Variants in TRIO observed in about 807,000 individuals in gnomAD.
TRIO encodes trio Rho guanine nucleotide exchange factor, also known as triple functional domain protein.
A neutral mutation model predicts 351.9 loss-of-function variants in TRIO; 58 were observed. The ratio of observed to expected loss-of-function variants is 0.16; its 90% CI spans 0.13 to 0.21. TRIO has a LOEUF of 0.21. TRIO is among the 10% of genes least tolerant of loss of function. The probability of loss-of-function intolerance (pLI) is 1.00; values close to 1 mark genes in which losing one functional copy is unlikely to be tolerated. For missense variants in TRIO, 3,201 were observed against 4,027.8 expected (o/e 0.79, Z 5.56); for synonymous variants, 1,758 against 1,595.7 (o/e 1.10, Z -2.42).
chr5:14,364,055 C>T, intron 14 of TRIO, 128 bp downstream of exon 14: 1 of 872,630 alleles, frequency 1.1e-6, no homozygotes, highest in Non-Finnish European at 1.7e-6. Flanking sequence ...GATACCTGTT[C>T]TTTAAAAGAA....
chr5:14,496,979 A>G lies in TRIO; in HGVS notation c.7981A>G (p.Lys2661Glu). Residue 2661 changes from lysine to glutamate, a missense_variant, in exon 50 of 57, where the codon AAG becomes GAG. Around this residue, in one of 19 missense-constraint regions of TRIO, gnomAD observed 1,089 missense variants for 954.9 expected, o/e 1.14. Coordinates refer to ENST00000344204, the MANE Select transcript of TRIO (RefSeq NM_007118.4). The part of the protein sequence containing the change: ...REGKLENGYR[K>E]SREGLSNKVS... ...AGGCAAGTTAGAGAACGGTTATCGG[A>G]AGTCACGGGAAGGACTCAGCAACAA... is the stretch of plus-strand genomic sequence containing the variant. The G allele has an allele frequency of 6.2e-7, 1 of 1,614,216 alleles. No individual in the cohort carries two copies. Among genetic ancestry groups the G allele is most frequent in the Non-Finnish European group, 8.5e-7 (1 of 1,180,042 alleles).
At chr5:14,162,304 A>G (rs1192696251) in intron 1 of TRIO, among the ~76,000 whole-genome samples, 1 of 152,206 alleles carries the variant, frequency 6.6e-6, no homozygotes, top group African/African-American at 2.4e-5. Context: ...ATTTGAAGTC[A>G]CTGTGTTGCC....
intron 34 of TRIO, among the ~76,000 whole-genome samples, chr5:14,432,938 A>G (rs1306193385): frequency 6.6e-6 from 1 of 152,210 alleles, no homozygotes; most frequent in Non-Finnish European, 1.5e-5. Flanking sequence ...TCTGAAGTTT[A>G]AGAGAAATGG....
chr5:14,342,364 C>T (rs1185253095), intron 11 of TRIO, among the ~76,000 whole-genome samples: 1 of 152,214 alleles, frequency 6.6e-6, no homozygotes. Context: ...CATCGGGCAT[C>T]TGGTGTTTAA....
intron 34 of TRIO, among the ~76,000 whole-genome samples, chr5:14,439,296 G>A (rs1174389824): frequency 6.6e-6 from 1 of 152,234 alleles, no homozygotes; most frequent in Non-Finnish European, 1.5e-5. Flanking sequence ...TTACAGGCAT[G>A]AGCCACCGCG....
chr5:14,223,776 C>G (rs1429756649), intron 1 of TRIO, among the ~76,000 whole-genome samples: 1 of 152,236 alleles, frequency 6.6e-6, no homozygotes, highest in East Asian at 1.9e-4. Flanking sequence ...TGTGCTTCCT[C>G]TCTTTGTAAA....
intron 1 of TRIO, among the ~76,000 whole-genome samples, chr5:14,262,640 CAG>C (rs1264603595): frequency 3.9e-5 from 6 of 152,058 alleles, no homozygotes; most frequent in Admixed American, 1.3e-4. Context: ...CTGGCAGAGA[CAG>C]GGGTGCTTCA....
At chr5:14,376,237 GT>G (rs1745547444) in intron 19 of TRIO, among the ~76,000 whole-genome samples, 1 of 152,182 alleles carries the variant, frequency 6.6e-6, no homozygotes, top group Non-Finnish European at 1.5e-5. Flanking sequence ...GTGTAATAAA[GT>G]TACCGGGAAC....
chr5:14,299,345 C>T (rs372944258), intron 7 of TRIO, among the ~76,000 whole-genome samples: 215 of 152,218 alleles, frequency 1.4e-3, no homozygotes, highest in African/African-American at 4.9e-3. Context: ...AGTGCATGTA[C>T]GGTGGCCAGA....
intron 34 of TRIO, among the ~76,000 whole-genome samples, chr5:14,425,434 A>C (rs1357706316): frequency 6.6e-6 from 1 of 152,230 alleles, no homozygotes; most frequent in Non-Finnish European, 1.5e-5. Flanking sequence ...CAGATGCCAC[A>C]TTGAGTTCAA....
At chr5:14,290,371 C>A (rs1045986571) in intron 4 of TRIO, among the ~76,000 whole-genome samples, 1 of 152,202 alleles carries the variant, frequency 6.6e-6, no homozygotes, top group East Asian at 1.9e-4. Flanking sequence ...TCTGAACTTG[C>A]AATTTAACCT....
chr5:14,280,516 A>G lies in TRIO; in HGVS notation c.347+80A>G, dbSNP rs1230762654. 6.3e-6 allele frequency: 8 copies of G among 1,269,222 alleles called. No individual in the cohort carries two copies. In the South Asian group the frequency reaches 7.3e-5, roughly 12 times the overall value. 78.6% of individuals were successfully genotyped at this position (1,269,222 alleles called of 1,614,324 possible). On this transcript the variant is annotated intron_variant, in intron 3 of 56. Transcript: ENST00000344204. ...GCGCTATACTCGTTAGAAATCAGCT[A>G]AATTGTAGCCTGCATTCCAGGCAAA...
intron 21 of TRIO, among the ~76,000 whole-genome samples, chr5:14,386,465 A>AC (rs146097986): frequency 0.034 from 5,185 of 152,094 alleles, 312 homozygotes; most frequent in African/African-American, 0.12. Flanking sequence ...TGGGTTTTGA[A>AC]CTCCGACCTT....
At position 14,421,771 on chromosome 5, in the gene TRIO, A is replaced by G. The variant is rs1750183662; in HGVS notation, c.5203+1750A>G. Among the ~76,000 whole-genome samples the G allele has an allele frequency of 2.0e-5, 3 of 152,160 alleles. No individual in the cohort carries two copies. In the South Asian group the frequency reaches 6.2e-4, roughly 32 times the overall value. On this transcript the variant is annotated intron_variant, in intron 34 of 56. Transcript: ENST00000344204. Reference sequence around the variant, plus strand: ...GTCCTGACCATGTCCACGTCCAGGAAACCAGGCAGCTTGACCAGAATCTCT... The same window carrying G: ...GTCCTGACCATGTCCACGTCCAGGAGACCAGGCAGCTTGACCAGAATCTCT...
intron 34 of TRIO, among the ~76,000 whole-genome samples, chr5:14,430,683 C>T (rs200010842): frequency 1.3e-4 from 12 of 95,518 alleles, no homozygotes; most frequent in Admixed American, 8.4e-4. Flanking sequence ...CAGTGAATTT[C>T]GTTTTATTTT....
chr5:14,395,466 G>A (rs1747480209), intron 28 of TRIO, among the ~76,000 whole-genome samples: 1 of 152,180 alleles, frequency 6.6e-6, no homozygotes, highest in Non-Finnish European at 1.5e-5. Flanking sequence ...TACTCTGCCA[G>A]AGGTTCTTCA....
rs543514457 is a variant in TRIO, at chr5:14,190,304, G to A, written c.157+46422G>A. Among the ~76,000 whole-genome samples, 3 of 152,266 alleles carry A rather than the reference G, an allele frequency of 2.0e-5. No homozygotes were observed. The South Asian group carries it at 6.2e-4, about 32-fold the overall frequency. On this transcript the variant is annotated intron_variant, in intron 1 of 56. Coordinates refer to ENST00000344204, the MANE Select transcript of TRIO (RefSeq NM_007118.4). ...GCCATTCAGTGAGTCAGGAGTCTTT[G>A]TGCAAGGAAGGCTGAGGTGATGACA...
intron 1 of TRIO, among the ~76,000 whole-genome samples, chr5:14,147,615 G>C (rs1435326651): frequency 1.3e-5 from 2 of 152,114 alleles, no homozygotes; most frequent in African/African-American, 4.8e-5. Flanking sequence ...AATCTTACTC[G>C]ACTCCTCCTG....
chr5:14,183,650 AT>A (rs912296829), intron 1 of TRIO: 12 of 271,646 alleles, frequency 4.4e-5, no homozygotes, highest in Non-Finnish European at 4.8e-5. Context: ...TCAGAGTCTC[AT>A]TTTTTTCCCC....
Sources: allele counts gnomAD v4.1 joint callset (sites outside exome capture counted in the v4.1 genomes callset), GRCh38; gene constraint gnomAD v4.1.1; regional missense constraint gnomAD v4.1.1; transcripts MANE v1.5; gene names NCBI Gene and HGNC (gene_info 2026-07-23, HGNC 2026-07-21).